TMTC1: variants seen among roughly 807,000 people sequenced by gnomAD.
TMTC1 encodes protein O-mannosyl-transferase TMTC1.
Under a neutral mutation model 104.8 loss-of-function variants are expected in TMTC1, and 73 were observed. The observed-to-expected ratio is 0.70, with a 90% confidence interval of 0.58 to 0.85. TMTC1 has a LOEUF of 0.85. Ranked by LOEUF, TMTC1 falls within the 40% of genes least tolerant of loss-of-function variation. The pLI, the probability that TMTC1 is intolerant of heterozygous loss-of-function variation, is 0.00. For missense variants in TMTC1, 1,035 were observed against 1,096.1 expected, an observed-to-expected ratio of 0.94 and a Z score of 0.79; for synonymous variants, 434 against 428.7, an observed-to-expected ratio of 1.01 and a Z score of -0.15.
intron 6 of TMTC1, among the ~76,000 whole-genome samples, chr12:29,617,536 CAG>C (rs145115277): frequency 0.078 from 10,523 of 134,284 alleles, 998 homozygotes; most frequent in African/African-American, 0.27. Flanking sequence ...AAACAGACAA[CAG>C]AGAGAGAGAG....
intron 5 of TMTC1, among the ~76,000 whole-genome samples, chr12:29,643,793 A>ATATATATTTATATATT: frequency 2.0e-5 from 1 of 49,042 alleles, no homozygotes; most frequent in Non-Finnish European, 3.9e-5. Flanking sequence ...ATATATATTT[A>ATATATATTTATATATT]TATACATATT....
chr12:29,746,236 C>G (rs1942952740), intron 5 of TMTC1, among the ~76,000 whole-genome samples: 1 of 152,126 alleles, frequency 6.6e-6, no homozygotes, highest in Non-Finnish European at 1.5e-5. Context: ...TAACTCCACA[C>G]CTCTTATTCA....
upstream of TMTC1, chr12:29,784,285 C>T (rs893014611): frequency 6.6e-6 from 1 of 152,282 alleles, no homozygotes; most frequent in Non-Finnish European, 1.5e-5. Context: ...AGCAGGTGCG[C>T]AGTCTGGAAC....
At chr12:29,644,432 G>A (rs1939176583) in intron 5 of TMTC1, among the ~76,000 whole-genome samples, 1 of 151,538 alleles carries the variant, frequency 6.6e-6, no homozygotes, top group Admixed American at 6.6e-5. Context: ...TGGATAATGG[G>A]TGCACCAAAA....
chr12:29,772,370 T>G (rs1428499623), intron 1 of TMTC1, among the ~76,000 whole-genome samples: 1 of 152,150 alleles, frequency 6.6e-6, no homozygotes, highest in Non-Finnish European at 1.5e-5. Flanking sequence ...TTTTTTTTTG[T>G]GTACGGTAAA....
rs188660498 is a variant in TMTC1, at chr12:29,777,093, C to T, written c.302+6357G>A. Among the ~76,000 whole-genome samples, 90 of 139,908 alleles carry T rather than the reference C, an allele frequency of 6.4e-4. 1 individual carries two copies. Among genetic ancestry groups the T allele is most frequent in the Admixed American group, 5.1e-3 (64 of 12,468 alleles). The allele number at this position is 139,908 out of a possible 152,430, so 91.8% of individuals were successfully genotyped here. On this transcript the variant is annotated intron_variant, in intron 1 of 17. Transcript: ENST00000539277. ...GCATGATCAGGCATTCCTTACCCCC[C>T]TCTCTCTCTTTTTATTTTTTTTAAC...
chr12:29,654,971 C>T (rs1003138111), intron 5 of TMTC1, among the ~76,000 whole-genome samples: 1 of 152,124 alleles, frequency 6.6e-6, no homozygotes, highest in Non-Finnish European at 1.5e-5. Flanking sequence ...GCAACCTCCA[C>T]CTCCCAGGTT....
intron 4 of TMTC1, among the ~76,000 whole-genome samples, chr12:29,752,483 C>T (rs1943115919): frequency 6.6e-6 from 1 of 152,188 alleles, no homozygotes; most frequent in Admixed American, 6.5e-5. Context: ...TGCATCTATC[C>T]TTTGCCCAGC....
At chr12:29,700,028 A>T (rs12230202) in intron 5 of TMTC1, among the ~76,000 whole-genome samples, 7,023 of 151,782 alleles carry the variant, frequency 0.046, 420 homozygotes, top group East Asian at 0.25. Flanking sequence ...AGTATTTTTA[A>T]TTTTTAAAAT....
intron 16 of TMTC1, among the ~76,000 whole-genome samples, chr12:29,514,109 G>C (rs1386391354): frequency 5.3e-5 from 8 of 152,264 alleles, no homozygotes; most frequent in African/African-American, 1.9e-4. Context: ...TCCAAGTCAA[G>C]AGAGGGCATT....
rs556608516 is a variant in TMTC1 at position 29,536,517 on chromosome 12, T to C, written c.1677-200A>G. On this transcript the variant is annotated intron_variant, in intron 10 of 17. Coordinates refer to ENST00000539277, the MANE Select transcript of TMTC1 (RefSeq NM_001193451.2). ...TCTCTGAATTCTCCATGGAAAGAGA[T>C]GTAAAGATGTAAATTACGCTTCAGG... 1.4e-4 allele frequency among the ~76,000 whole-genome samples: 22 copies of C among 152,366 alleles called. No individual in the cohort carries two copies. The South Asian group carries it at 3.5e-3, about 24-fold the overall frequency.
At chr12:29,764,722 C>G (rs1406220542) in intron 2 of TMTC1, among the ~76,000 whole-genome samples, 1 of 152,178 alleles carries the variant, frequency 6.6e-6, no homozygotes, top group Non-Finnish European at 1.5e-5. Flanking sequence ...TAAGCATCCT[C>G]CCTAACATCC....
At chr12:29,562,590 G>A (rs920288929) in intron 9 of TMTC1, among the ~76,000 whole-genome samples, 5 of 152,170 alleles carry the variant, frequency 3.3e-5, no homozygotes, top group Admixed American at 3.3e-4. Context: ...AGAATAGATA[G>A]GAAACTGCTT....
chr12:29,573,163 T>C (rs1054291642), intron 8 of TMTC1, among the ~76,000 whole-genome samples: 3 of 152,114 alleles, frequency 2.0e-5, no homozygotes, highest in South Asian at 4.1e-4. Context: ...TCTAGGAGTA[T>C]ACATGGGGAC....
chr12:29,522,881 A>G (rs968248263), intron 11 of TMTC1, among the ~76,000 whole-genome samples: 1 of 152,200 alleles, frequency 6.6e-6, no homozygotes, highest in Non-Finnish European at 1.5e-5. Flanking sequence ...GATTAAATCT[A>G]TTAAAACATT....
In TMTC1 at chr12:29,697,769, G is replaced by C. The variant is rs561869165; in HGVS notation, c.938+53897C>G. 1.4e-4 allele frequency among the ~76,000 whole-genome samples: 21 copies of C among 152,274 alleles called. 2 individuals are homozygous for C. The South Asian group carries it at 3.3e-3, about 24-fold the overall frequency. ...GGAGAATTCTCTCTTTCTCAGGGGA[G>C]GCCAGTCTTTTTGTTCTATTCAGGC... is the stretch of plus-strand genomic sequence containing the variant. On this transcript the variant is annotated intron_variant, in intron 5 of 17. Transcript: ENST00000539277.
chr12:29,532,929 C>A (rs1265592706), intron 11 of TMTC1: 5 of 152,106 alleles, frequency 3.3e-5, no homozygotes, highest in Non-Finnish European at 5.9e-5. Flanking sequence ...TCCATTCAAC[C>A]TTTACATGCT....
chr12:29,511,055 T>C (rs1943820587), intron 17 of TMTC1, among the ~76,000 whole-genome samples: 2 of 152,224 alleles, frequency 1.3e-5, no homozygotes, highest in African/African-American at 2.4e-5. Context: ...CCTTCAGGTC[T>C]CTTCTCAAAT....
intron 7 of TMTC1, among the ~76,000 whole-genome samples, chr12:29,588,982 T>TCTTGGGACCCCAATTGACTATGCCAA (rs1393442753): frequency 3.3e-5 from 5 of 152,166 alleles, no homozygotes; most frequent in African/African-American, 9.7e-5. Flanking sequence ...GAAAAAAAAT[T>TCTTGGGACCCCAATTGACTATGCCAA]AAGTTGAAAG....
Sources: gnomAD v4.1 joint callset for allele counts (sites outside exome capture counted in the v4.1 genomes callset) on GRCh38, gnomAD v4.1.1 for gene constraint, MANE v1.5 for transcripts, NCBI Gene and HGNC (gene_info 2026-07-23, HGNC 2026-07-21) for gene names.